The following TFCP2L1 variants were observed in gnomAD, a reference collection of about 807,000 sequenced individuals.
The protein encoded by TFCP2L1 is transcription factor CP2 like 1, also known as transcription factor CP2-like protein 1.
A neutral mutation model predicts 72.2 loss-of-function variants in TFCP2L1; 12 were observed. The ratio of observed to expected loss-of-function variants is 0.17; its 90% CI spans 0.11 to 0.27. The LOEUF (loss-of-function observed/expected upper bound fraction) is 0.27, where lower values mean the gene tolerates loss of function less well. Among genes scored for constraint, TFCP2L1 ranks in the 10% least tolerant of loss-of-function variants. The probability of loss-of-function intolerance (pLI) is 1.00; values close to 1 mark genes in which losing one functional copy is unlikely to be tolerated. For synonymous variants in TFCP2L1, 260 were observed against 251.0 expected (o/e 1.04, Z -0.34); for missense variants, 488 against 624.6 (o/e 0.78, Z 2.33).
At chr2:121,235,102 C>A in intron 11 of TFCP2L1, 119 bp downstream of exon 11, 1 of 1,014,372 alleles carries the variant, frequency 9.9e-7, no homozygotes, top group Non-Finnish European at 1.5e-6. Flanking sequence ...CCCCACACTG[C>A]AGGAGTCCTG....
intron 2 of TFCP2L1, among the ~76,000 whole-genome samples, chr2:121,277,994 G>A (rs1005990281): frequency 2.0e-5 from 3 of 150,080 alleles, no homozygotes; most frequent in Non-Finnish European, 4.4e-5. Context: ...ATTAACATGA[G>A]ATGATGAGAC....
chr2:121,249,557 C>T lies in TFCP2L1; in HGVS notation c.291+14G>A, dbSNP rs373899068. ...CCTCTCCCCGAGGCAATGAGAACAG[C>T]CTGTGAGGCTTACCTTGACATATTT... On this transcript the variant is annotated intron_variant, in intron 3 of 14. Transcript: ENST00000263707. 28 of 1,613,768 alleles carry T rather than the reference C, an allele frequency of 1.7e-5. No homozygotes were observed. In the East Asian group the frequency reaches 3.1e-4, roughly 18 times the overall value.
At chr2:121,283,537 T>C (rs1050557572) in intron 1 of TFCP2L1, among the ~76,000 whole-genome samples, 3 of 152,000 alleles carry the variant, frequency 2.0e-5, no homozygotes, top group African/African-American at 7.2e-5. Flanking sequence ...CTCACCCTCC[T>C]CCTTTCACCA....
At chr2:121,239,914 A>G (rs923661678) in intron 7 of TFCP2L1, among the ~76,000 whole-genome samples, 2 of 152,164 alleles carry the variant, frequency 1.3e-5, no homozygotes, top group Non-Finnish European at 2.9e-5. Context: ...TAGCAGTAAA[A>G]CCAGAGGGGA....
chr2:121,259,689 A>T (rs574266518), intron 2 of TFCP2L1, among the ~76,000 whole-genome samples: 1 of 152,352 alleles, frequency 6.6e-6, no homozygotes, highest in Non-Finnish European at 1.5e-5. Context: ...ATGAAAAAGC[A>T]AGTTGCTGAG....
intron 2 of TFCP2L1, among the ~76,000 whole-genome samples, chr2:121,270,035 C>G (rs149163668): frequency 7.1e-4 from 107 of 151,550 alleles, no homozygotes; most frequent in African/African-American, 2.6e-3. Context: ...ACAAGCAGCT[C>G]TTACAAATAA....
At chr2:121,235,185 G>A (rs779764471) in intron 11 of TFCP2L1, 36 bp downstream of exon 11, 1 of 1,609,666 alleles carries the variant, frequency 6.2e-7, no homozygotes, top group South Asian at 1.1e-5. Context: ...CGGGACATGA[G>A]CCTCTGGCTG....
In TFCP2L1 at chr2:121,242,444, T is replaced by C; in HGVS notation, c.683A>G (p.Lys228Arg). 1 of 1,614,140 alleles carries C rather than the reference T, an allele frequency of 6.2e-7. No homozygotes were observed. The highest frequency in any genetic ancestry group is 8.5e-7 in the Non-Finnish European group (1 of 1,180,038). The change falls in exon 7 of 15, where the codon AAG (lysine) becomes AGG (arginine). Residue 228 changes from lysine to arginine, a missense_variant. Coordinates refer to ENST00000263707, the MANE Select transcript of TFCP2L1 (RefSeq NM_014553.3). The stretch of plus-strand genomic sequence containing the variant: ...TTTCTCCATCTTCTCCCGGTCAGTC[T>C]TCTGTTTCCGATCGGCTCCCTTCGG... ...FKPKGADRKQ[K>R]TDREKMEKRT...
chr2:121,278,514 C>T (rs1254643688), intron 2 of TFCP2L1, among the ~76,000 whole-genome samples: 3 of 149,330 alleles, frequency 2.0e-5, no homozygotes, highest in Non-Finnish European at 4.5e-5. Context: ...GGTGAAACCC[C>T]GTCTCTACTA....
rs1214630682 is a variant in TFCP2L1, at chr2:121,252,511, G to T, written c.215-2864C>A. Among the ~76,000 whole-genome samples the T allele has an allele frequency of 3.9e-5, 6 of 152,174 alleles. No individual in the cohort carries two copies. In the East Asian group the frequency reaches 1.2e-3, roughly 29 times the overall value. On this transcript the variant is annotated intron_variant, in intron 2 of 14. Transcript: ENST00000263707. Reference sequence around the variant, plus strand: ...TCTTAGCAGACACAATTAAGATTCTGAGACGAGGAAGTCACCCTGTATTAT... The same window carrying T: ...TCTTAGCAGACACAATTAAGATTCTTAGACGAGGAAGTCACCCTGTATTAT...
At chr2:121,262,248 C>T (rs1224787241) in intron 2 of TFCP2L1, among the ~76,000 whole-genome samples, 3 of 152,118 alleles carry the variant, frequency 2.0e-5, no homozygotes, top group East Asian at 1.9e-4. Context: ...AGGTGGATCA[C>T]GAGGTCAGGA....
At chr2:121,263,455 C>T (rs1686863894) in intron 2 of TFCP2L1, among the ~76,000 whole-genome samples, 1 of 107,930 alleles carries the variant, frequency 9.3e-6, no homozygotes, top group Non-Finnish European at 1.8e-5. Flanking sequence ...TGGATATCAA[C>T]TGTCTGTTTT....
intron 7 of TFCP2L1, chr2:121,240,464 G>A (rs993529283): frequency 4.0e-5 from 39 of 985,290 alleles, no homozygotes; most frequent in Non-Finnish European, 4.5e-5. Flanking sequence ...AAACTATAGT[G>A]TTGGTAAATA....
chr2:121,260,170 G>A (rs1385525534), intron 2 of TFCP2L1, among the ~76,000 whole-genome samples: 1 of 152,066 alleles, frequency 6.6e-6, no homozygotes, highest in Admixed American at 6.6e-5. Context: ...AGAAACTAAG[G>A]CCCAGAGAGG....
In TFCP2L1 at chr2:121,224,032, A is replaced by G. The variant is rs3795853; in HGVS notation, c.*309T>C. 121,116 of 396,102 alleles carry G rather than the reference A, an allele frequency of 0.31. 19,696 individuals carry two copies. Among genetic ancestry groups the G allele is most frequent in the South Asian group, 0.41 (10,906 of 26,316 alleles). 24.5% of individuals were successfully genotyped at this position (396,102 alleles called of 1,614,324 possible). A position where few individuals can be genotyped will look rare whatever the true frequency, so the allele number is the denominator to read the frequency against. On this transcript the variant is annotated 3_prime_UTR_variant, in exon 15 of 15. Transcript: ENST00000263707. ...TCAGCTTCCAACTAAGGGATGAGGGATTTCAGAGCAGACGTCTCCACTGTT... is the reference window on the plus strand; with the variant it reads ...TCAGCTTCCAACTAAGGGATGAGGGGTTTCAGAGCAGACGTCTCCACTGTT...
At position 121,285,104 on chromosome 2, in the gene TFCP2L1, G is replaced by A. The variant is rs754748943; in HGVS notation, c.6C>T (p.Leu2=). The A allele has an allele frequency of 6.6e-7, 1 of 1,511,480 alleles. No individual in the cohort carries two copies. The highest frequency in any genetic ancestry group is 1.4e-5 in the African/African-American group (1 of 69,710). The allele number at this position is 1,511,480 out of a possible 1,614,324, so 93.6% of individuals were successfully genotyped here. Residue 2 remains leucine (L), a synonymous_variant, in exon 1 of 15, where the codon CTC becomes CTT. Coordinates refer to ENST00000263707, the MANE Select transcript of TFCP2L1 (RefSeq NM_014553.3). The stretch of plus-strand genomic sequence containing the variant: ...AGTGCTCGGGCTGCGTGTGCCAGAA[G>A]AGCATGGCTGGAACTCCCAGCGCGC... The part of the protein sequence containing the change: M[L]FWHTQPEHYN...
At chr2:121,258,170 G>A (rs1686764152) in intron 2 of TFCP2L1, among the ~76,000 whole-genome samples, 1 of 152,216 alleles carries the variant, frequency 6.6e-6, no homozygotes, top group African/African-American at 2.4e-5. Flanking sequence ...TCACCTGTCA[G>A]ATGGCAAAAA....
intron 8 of TFCP2L1, among the ~76,000 whole-genome samples, chr2:121,238,412 C>T (rs1292251690): frequency 6.6e-6 from 1 of 152,178 alleles, no homozygotes; most frequent in Non-Finnish European, 1.5e-5. Flanking sequence ...GCACAAGCTT[C>T]CTCGGGGGCC....
chr2:121,225,461 C>G (rs1321504042), intron 14 of TFCP2L1, 101 bp downstream of exon 14: 2 of 1,156,864 alleles, frequency 1.7e-6, no homozygotes, highest in African/African-American at 3.1e-5. Context: ...TTCTCAAAGG[C>G]TTTTCCCAGG....
Sources: gnomAD v4.1 joint callset for allele counts (sites outside exome capture counted in the v4.1 genomes callset) on GRCh38, gnomAD v4.1.1 for gene constraint, MANE v1.5 for transcripts, NCBI Gene and HGNC (gene_info 2026-07-23, HGNC 2026-07-21) for gene names.